Variants in BOK observed in about 807,000 individuals in gnomAD.
The protein encoded by BOK is bcl-2-related ovarian killer protein.
BOK carries 20 observed loss-of-function variants against 18.3 expected under a neutral mutation model. That is an observed-to-expected ratio of 1.09 (90% confidence interval 0.77 to 1.59). The LOEUF is 1.59. BOK is among the 40% of genes most tolerant of loss of function. BOK has a pLI of 0.00. For synonymous variants in BOK, 173 were observed against 142.4 expected, an observed-to-expected ratio of 1.21 and a Z score of -1.53; for missense variants, 348 against 307.9, an observed-to-expected ratio of 1.13 and a Z score of -0.97.
chr2:241,569,153 C>T (rs553208944), intron 3 of BOK, among the ~76,000 whole-genome samples: 69 of 152,278 alleles, frequency 4.5e-4, no homozygotes, highest in Middle Eastern at 3.4e-3. Context: ...TATTTAGAGA[C>T]GGGGTCTCGC....
intron 2 of BOK, among the ~76,000 whole-genome samples, chr2:241,560,428 C>T (rs1285319884): frequency 6.6e-6 from 1 of 152,262 alleles, no homozygotes. Context: ...ATAGGTGAAA[C>T]TGAATCGGTG....
At chr2:241,556,332 C>G (rs2066449884), upstream of BOK, among the ~76,000 whole-genome samples, 2 of 152,192 alleles carry the variant, frequency 1.3e-5, no homozygotes, top group African/African-American at 4.8e-5. Flanking sequence ...CGCCTATAAT[C>G]CCAGAACTTT....
In BOK at chr2:241,562,388, C is replaced by T. The variant is rs377356735; in HGVS notation, c.261C>T (p.Asn87=). 3.7e-5 allele frequency: 59 copies of T among 1,611,820 alleles called. No individual in the cohort carries two copies. The highest frequency in any genetic ancestry group is 3.3e-4 in the Middle Eastern group (2 of 6,052). Residue 87 remains asparagine (N), a synonymous_variant, in exon 3 of 5, where the codon AAC becomes AAT. Transcript: ENST00000318407. This position sits in a 1 kb window ranked among gnomAD's most constrained non-coding sequence, Gnocchi z 4.5. ...TGATCCGGCCCAGCGTCTACCGCAACGTGGCGCGTCAGCTGCACATCTCCC... is the reference window on the plus strand; with the variant it reads ...TGATCCGGCCCAGCGTCTACCGCAATGTGGCGCGTCAGCTGCACATCTCCC... The part of the protein sequence containing the change: ...LEMIRPSVYR[N]VARQLHISLQ...
chr2:241,558,219 CAATAATT>C (rs1459585019), upstream of BOK, among the ~76,000 whole-genome samples: 2 of 152,040 alleles, frequency 1.3e-5, no homozygotes, highest in Non-Finnish European at 2.9e-5. Context: ...ACACCATTCA[CAATAATT>C]AATATGTAAT....
At chr2:241,565,655 C>T (rs2066599555) in intron 3 of BOK, among the ~76,000 whole-genome samples, 1 of 152,330 alleles carries the variant, frequency 6.6e-6, no homozygotes, top group Non-Finnish European at 1.5e-5. Context: ...AGGCAAGCTG[C>T]ACAGCCCGCA....
Position 241,559,543 on chromosome 2 carries a change from C to T in BOK, c.60C>T (p.Arg20=), listed in dbSNP as rs1406585127. The change falls in exon 2 of 5, where the codon CGC becomes CGT. Residue 20 remains arginine (R), a synonymous_variant. Coordinates refer to ENST00000318407, the MANE Select transcript of BOK (RefSeq NM_032515.5). ...FAAEIMDAFD[R]SPTDKELVAQ... The stretch of plus-strand genomic sequence containing the variant: ...CCGAGATCATGGACGCCTTTGACCG[C>T]TCGCCCACAGACAAGGAGCTGGTGG... 6 of 1,526,396 alleles carry T rather than the reference C, an allele frequency of 3.9e-6. No individual in the cohort carries two copies. The highest frequency in any genetic ancestry group is 5.4e-5 in the East Asian group (2 of 37,232). The allele number at this position is 1,526,396 out of a possible 1,614,324, so 94.6% of individuals were successfully genotyped here.
chr2:241,559,413 C>G lies in BOK; in HGVS notation c.-29-42C>G, dbSNP rs1486972754. 6 of 1,248,932 alleles carry G rather than the reference C, an allele frequency of 4.8e-6. No individual in the cohort carries two copies. The East Asian group carries it at 1.9e-4, about 40-fold the overall frequency. The allele number at this position is 1,248,932 out of a possible 1,614,324, so 77.4% of individuals were successfully genotyped here. On this transcript the variant is annotated intron_variant, in intron 1 of 4. Coordinates refer to ENST00000318407, the MANE Select transcript of BOK (RefSeq NM_032515.5). ...CCGGCGCCCCGCGCGCCCCGTTCCC[C>G]GCGCCGCCTCCCTCCACCCGGCTGA...
At position 241,571,913 on chromosome 2, in the gene BOK, C is replaced by T. The variant is rs147919690; in HGVS notation, c.514-384C>T. Among the ~76,000 whole-genome samples the T allele has an allele frequency of 1.1e-3, 172 of 152,312 alleles. 5 individuals carry two copies. The East Asian group carries it at 0.012, about 11-fold the overall frequency. ...CCAAGGCCCCACAGGAGGATGACGGCGGCATACCTGTAGCCCCTGGGGGGC... is the reference window on the plus strand; with the variant it reads ...CCAAGGCCCCACAGGAGGATGACGGTGGCATACCTGTAGCCCCTGGGGGGC... On this transcript the variant is annotated intron_variant, in intron 4 of 4. Transcript: ENST00000318407.
upstream of BOK, among the ~76,000 whole-genome samples, chr2:241,558,054 G>GACACAGACACACACACACACACACACAC (rs2066468007): frequency 7.0e-6 from 1 of 143,244 alleles, no homozygotes; most frequent in Admixed American, 7.1e-5. Context: ...AGAGTTCCGA[G>GACACAGACACACACACACACACACACAC]ACACACACAC....
chr2:241,558,467 C>A (rs2066472807), upstream of BOK, among the ~76,000 whole-genome samples: 1 of 152,228 alleles, frequency 6.6e-6, no homozygotes, highest in Non-Finnish European at 1.5e-5. Flanking sequence ...GGGCATGCGT[C>A]CGGACCAAGA....
chr2:241,560,659 AG>A (rs1299889666), intron 2 of BOK, among the ~76,000 whole-genome samples: 1 of 152,026 alleles, frequency 6.6e-6, no homozygotes, highest in Non-Finnish European at 1.5e-5. Context: ...GAGGAGGTGG[AG>A]TCCCATCTGA....
chr2:241,560,382 C>T (rs903975442), intron 2 of BOK: 16 of 800,582 alleles, frequency 2.0e-5, no homozygotes, highest in East Asian at 2.5e-4. Flanking sequence ...GCACATGGGG[C>T]GCCTGTGGCT....
intron 3 of BOK, among the ~76,000 whole-genome samples, chr2:241,564,117 T>A (rs2066574339): frequency 6.6e-6 from 1 of 152,254 alleles, no homozygotes; most frequent in Non-Finnish European, 1.5e-5. Context: ...CAGAAGTTAC[T>A]GTGGCTGGGA....
At chr2:241,569,673 CCT>C (rs2066675633) in intron 3 of BOK, among the ~76,000 whole-genome samples, 1 of 152,158 alleles carries the variant, frequency 6.6e-6, no homozygotes, top group East Asian at 1.9e-4. Context: ...CATCTTTCGT[CCT>C]CTCTTTCAAG....
At chr2:241,557,044 T>C (rs1227354990), upstream of BOK, among the ~76,000 whole-genome samples, 1 of 152,206 alleles carries the variant, frequency 6.6e-6, no homozygotes, top group Non-Finnish European at 1.5e-5. Flanking sequence ...TTAATGCTTG[T>C]AGTATCTACA....
intron 3 of BOK, among the ~76,000 whole-genome samples, chr2:241,569,509 G>C (rs7369408): frequency 2.6e-5 from 4 of 152,106 alleles, no homozygotes; most frequent in East Asian, 3.8e-4. Flanking sequence ...AACATTTTTC[G>C]TGTCTCTTAT....
upstream of BOK, among the ~76,000 whole-genome samples, chr2:241,558,309 G>A (rs986824871): frequency 1.3e-5 from 2 of 151,968 alleles, no homozygotes; most frequent in African/African-American, 4.8e-5. Context: ...CCAATAAAAA[G>A]GTACTAACCA....
At chr2:241,557,243 G>T (rs2066459686), upstream of BOK, among the ~76,000 whole-genome samples, 1 of 147,546 alleles carries the variant, frequency 6.8e-6, no homozygotes, top group African/African-American at 2.5e-5. Flanking sequence ...TTCATCTTTA[G>T]TTTTATTGTT....
upstream of BOK, among the ~76,000 whole-genome samples, chr2:241,555,658 T>C (rs1321415376): frequency 6.6e-6 from 1 of 152,240 alleles, no homozygotes; most frequent in Non-Finnish European, 1.5e-5. Flanking sequence ...ATTACAGGCA[T>C]GAGCCACCAC....
Sources: allele counts gnomAD v4.1 joint callset (sites outside exome capture counted in the v4.1 genomes callset), GRCh38; gene constraint gnomAD v4.1.1; non-coding constraint Gnocchi (gnomAD v3.1); transcripts MANE v1.5; gene names NCBI Gene and HGNC (gene_info 2026-07-23, HGNC 2026-07-21).